TRAF3IP1: variants seen among roughly 807,000 people sequenced by gnomAD.
The protein encoded by TRAF3IP1 is TRAF3-interacting protein 1.
In TRAF3IP1, 53 loss-of-function variants were observed where a neutral mutation model predicts 89.9. That is an observed-to-expected ratio of 0.59 (90% CI 0.47 to 0.74). The LOEUF is 0.74. Among genes scored for constraint, TRAF3IP1 ranks in the 30% least tolerant of loss-of-function variants. The pLI is 0.00. For missense variants in TRAF3IP1, 806 were observed against 866.1 expected (o/e 0.93, Z 0.87); for synonymous variants, 311 against 322.1 (o/e 0.97, Z 0.37).
chr2:238,343,390 C>CT (rs957805180), intron 8 of TRAF3IP1, among the ~76,000 whole-genome samples: 4 of 151,044 alleles, frequency 2.6e-5, no homozygotes, highest in South Asian at 2.1e-4. Context: ...GGCTCCTACC[C>CT]TTTTTTTTTC....
At position 238,344,691 on chromosome 2, in the gene TRAF3IP1, T is replaced by C; in HGVS notation, c.1261+93T>C. 7 of 1,106,150 alleles carry C rather than the reference T, an allele frequency of 6.3e-6. No homozygotes were observed. The South Asian group carries it at 8.9e-5, about 14-fold the overall frequency. 68.5% of individuals were successfully genotyped at this position (1,106,150 alleles called of 1,614,324 possible). ...AAGGGCCGCAGCCCAGAGCCCGAGGTTTTCCTCTTGGGTCTGAACGTGGCA... is the reference window on the plus strand; with the variant it reads ...AAGGGCCGCAGCCCAGAGCCCGAGGCTTTCCTCTTGGGTCTGAACGTGGCA... On this transcript the variant is annotated intron_variant, in intron 9 of 16. Transcript: ENST00000373327.
chr2:238,388,671 C>T (rs1474551558), intron 15 of TRAF3IP1, among the ~76,000 whole-genome samples: 1 of 143,510 alleles, frequency 7.0e-6, no homozygotes, highest in East Asian at 2.1e-4. Context: ...GATCTCAGCT[C>T]ACTACATCCT....
intron 8 of TRAF3IP1, among the ~76,000 whole-genome samples, chr2:238,340,175 G>A (rs1046027281): frequency 3.3e-5 from 5 of 152,172 alleles, no homozygotes; most frequent in East Asian, 3.9e-4. Flanking sequence ...CTGCCACAGC[G>A]CGGACCTGGG....
At chr2:238,371,207 G>A (rs892200651) in intron 15 of TRAF3IP1, among the ~76,000 whole-genome samples, 4 of 152,194 alleles carry the variant, frequency 2.6e-5, no homozygotes, top group Admixed American at 1.3e-4. Context: ...CACTTGAAAA[G>A]GGCTTTCATG....
rs1239620746 is a variant in TRAF3IP1 at position 238,320,721 on chromosome 2, C to T, written c.59C>T (p.Pro20Leu). 4.8e-6 allele frequency: 7 copies of T among 1,449,248 alleles called. No individual in the cohort carries two copies. Among genetic ancestry groups the T allele is most frequent in the South Asian group, 1.3e-5 (1 of 76,244 alleles). 89.8% of individuals were successfully genotyped at this position (1,449,248 alleles called of 1,614,324 possible). Residue 20 changes from proline to leucine, a missense_variant, in exon 1 of 17, where the codon CCG becomes CTG. Physicochemically the swap from Pro to Leu is moderately conservative, Grantham distance 98. This residue lies in a region of TRAF3IP1 where 732 missense variants were observed against 780.5 expected (regional missense o/e 0.94). Coordinates refer to ENST00000373327, the MANE Select transcript of TRAF3IP1 (RefSeq NM_015650.4). ...GCGCTGGGGAAAGTGATTCGGAGGCCGCCGCTGACCGAGAAGCTGCTGAGC... is the reference window on the plus strand; with the variant it reads ...GCGCTGGGGAAAGTGATTCGGAGGCTGCCGCTGACCGAGAAGCTGCTGAGC... ...QEALGKVIRR[P>L]PLTEKLLSKP...
intron 11 of TRAF3IP1, 123 bp from the exon 12 acceptor site, chr2:238,349,202 C>G (rs533917453): frequency 2.2e-6 from 2 of 921,850 alleles, no homozygotes; most frequent in East Asian, 5.3e-5. Context: ...AGTAGCGTGT[C>G]CTAACCAGCA....
chr2:238,365,440 C>T (rs1699832724), intron 15 of TRAF3IP1, among the ~76,000 whole-genome samples: 1 of 152,056 alleles, frequency 6.6e-6, no homozygotes, highest in Non-Finnish European at 1.5e-5. Context: ...TCAAGCAGAT[C>T]ACTTGAGCTT....
intron 1 of TRAF3IP1, among the ~76,000 whole-genome samples, chr2:238,322,977 A>G (rs927204525): frequency 9.2e-5 from 14 of 152,112 alleles, no homozygotes; most frequent in African/African-American, 2.4e-4. Context: ...ACACATTGCT[A>G]TATTAGTATT....
intron 7 of TRAF3IP1, 162 bp downstream of exon 7, chr2:238,334,197 TTACA>T (rs1299321187): frequency 6.2e-6 from 4 of 643,026 alleles, no homozygotes; most frequent in East Asian, 2.8e-5. Context: ...TTTGTGGCTG[TTACA>T]TACACATGCG....
At chr2:238,347,071 G>A (rs550677378) in intron 9 of TRAF3IP1, 37 of 185,476 alleles carry the variant, frequency 2.0e-4, no homozygotes, top group Non-Finnish European at 3.0e-4. Context: ...GGAACGGCCC[G>A]GGATTTGGTT....
chr2:238,339,308 G>A (rs1416581789), intron 8 of TRAF3IP1, among the ~76,000 whole-genome samples: 2 of 152,230 alleles, frequency 1.3e-5, no homozygotes, highest in African/African-American at 4.8e-5. Context: ...AGTAGCATGG[G>A]ATGGCGGAGG....
chr2:238,363,373 T>C (rs1322015380), intron 15 of TRAF3IP1, among the ~76,000 whole-genome samples: 3 of 152,210 alleles, frequency 2.0e-5, no homozygotes, highest in Admixed American at 2.0e-4. Flanking sequence ...AAAATTGATA[T>C]TGAATATTAA....
At position 238,351,858 on chromosome 2, in the gene TRAF3IP1, T is replaced by TGC. The variant is rs1699175826; in HGVS notation, c.1452-968_1452-967insCG. On this transcript the variant is annotated intron_variant, in intron 12 of 16. Transcript: ENST00000373327. This position sits in a 1 kb window ranked among gnomAD's most constrained non-coding sequence, Gnocchi z 5.2. ...TGGTGTGTGTGTGTGTGTGTGTGTG[T>TGC]GTGTGTGTGCGCGCGCGCGCGTGTG... is the stretch of plus-strand genomic sequence containing the variant. Among the ~76,000 whole-genome samples the TGC allele has an allele frequency of 2.9e-5, 3 of 104,786 alleles. No individual in the cohort carries two copies. Among genetic ancestry groups the TGC allele is most frequent in the South Asian group, 2.9e-4 (1 of 3,408 alleles). The allele number at this position is 104,786 out of a possible 152,430, so 68.7% of individuals were successfully genotyped here. A position where few individuals can be genotyped will look rare whatever the true frequency, so the allele number is the denominator to read the frequency against.
rs1200493089 is a variant in TRAF3IP1 at position 238,348,811 on chromosome 2, A to T, written c.1330A>T (p.Thr444Ser). 5.0e-6 allele frequency: 8 copies of T among 1,613,954 alleles called. No homozygotes were observed. Among genetic ancestry groups the T allele is most frequent in the Non-Finnish European group, 6.8e-6 (8 of 1,180,008 alleles). ...AGQDKSEVPETPEIPNELSSN... is the reference protein window; with the variant it reads ...AGQDKSEVPESPEIPNELSSN... Reference sequence around the variant, plus strand: ...CCAAGATAAGTCTGAGGTGCCAGAGACTCCAGAAATTCCTAATGAGCTTTC... The same window carrying T: ...CCAAGATAAGTCTGAGGTGCCAGAGTCTCCAGAAATTCCTAATGAGCTTTC... Residue 444 changes from threonine to serine, a missense_variant, in exon 11 of 17, where the codon ACT (threonine) becomes TCT (serine). Physicochemically the swap from Thr to Ser is moderately conservative, Grantham distance 58. Coordinates refer to ENST00000373327, the MANE Select transcript of TRAF3IP1 (RefSeq NM_015650.4).
chr2:238,346,275 G>C (rs949055770), intron 9 of TRAF3IP1, among the ~76,000 whole-genome samples: 60 of 152,198 alleles, frequency 3.9e-4, no homozygotes, highest in Non-Finnish European at 1.9e-4. Context: ...CAAAGTGCTG[G>C]GGTCTCTGAA....
At position 238,400,521 on chromosome 2, in the gene TRAF3IP1, ATTAAGATCTG is replaced by A. The variant is rs1701418895; in HGVS notation, c.*1603_*1612del. The A allele has an allele frequency of 6.6e-6, 1 of 152,266 alleles. No homozygotes were observed. Among genetic ancestry groups the A allele is most frequent in the African/African-American group, 2.4e-5 (1 of 41,470 alleles). 9.4% of individuals were successfully genotyped at this position (152,266 alleles called of 1,614,324 possible). ...AGCTGAATAAGTTCAGGAGCAGATT[ATTAAGATCTG>A]CCATTCTGAAACGCTGGTCTTTTTC... On this transcript the variant is annotated 3_prime_UTR_variant, in exon 17 of 17. Transcript: ENST00000373327.
chr2:238,324,319 C>T (rs577846365), intron 1 of TRAF3IP1, among the ~76,000 whole-genome samples: 14 of 152,236 alleles, frequency 9.2e-5, no homozygotes, highest in Admixed American at 5.9e-4. Context: ...CCACCCACCT[C>T]GGCCTCCCAA....
In TRAF3IP1 at chr2:238,351,866, T is replaced by TGTGTGTGCGC. The variant is rs1421537563; in HGVS notation, c.1452-960_1452-959insTGTGTGCGCG. On this transcript the variant is annotated intron_variant, in intron 12 of 16. Coordinates refer to ENST00000373327, the MANE Select transcript of TRAF3IP1 (RefSeq NM_015650.4). This position sits in a 1 kb window ranked among gnomAD's most constrained non-coding sequence, Gnocchi z 5.2. ...GTGTGTGTGTGTGTGTGTGTGTGTG[T>TGTGTGTGCGC]GCGCGCGCGCGCGTGTGCGTGCATG... Among the ~76,000 whole-genome samples the TGTGTGTGCGC allele has an allele frequency of 1.4e-4, 18 of 128,244 alleles. No individual in the cohort carries two copies. Among genetic ancestry groups the TGTGTGTGCGC allele is most frequent in the African/African-American group, 5.8e-4 (17 of 29,480 alleles). The allele number at this position is 128,244 out of a possible 152,430, so 84.1% of individuals were successfully genotyped here. A position where few individuals can be genotyped will look rare whatever the true frequency, so the allele number is the denominator to read the frequency against.
chr2:238,362,634 T>C (rs112149361), intron 15 of TRAF3IP1, among the ~76,000 whole-genome samples: 3 of 152,356 alleles, frequency 2.0e-5, no homozygotes, highest in East Asian at 1.9e-4. Context: ...CTTCCACTTA[T>C]ATTATGTTGG....
Sources: allele counts gnomAD v4.1 joint callset (sites outside exome capture counted in the v4.1 genomes callset), GRCh38; gene constraint gnomAD v4.1.1; regional missense constraint gnomAD v4.1.1; non-coding constraint Gnocchi (gnomAD v3.1); transcripts MANE v1.5; gene names NCBI Gene and HGNC (gene_info 2026-07-23, HGNC 2026-07-21).